Variants in DNAH11 observed in about 807,000 individuals in gnomAD.
DNAH11 encodes axonemal beta dynein heavy chain 11.
Under a neutral mutation model 526.0 loss-of-function variants are expected in DNAH11, and 442 were observed. That is an observed-to-expected ratio of 0.84 (90% CI 0.78 to 0.91). DNAH11 has a LOEUF of 0.91. Ranked by LOEUF, DNAH11 falls within the 40% of genes least tolerant of loss-of-function variation. The pLI, the probability that DNAH11 is intolerant of heterozygous loss-of-function variation, is 0.00. For missense variants in DNAH11, 6,989 were observed against 5,448.7 expected (o/e 1.28, Z -8.90); for synonymous variants, 2,461 against 1,935.9 (o/e 1.27, Z -7.12).
chr7:21,677,444 T>C (rs1782939522), intron 30 of DNAH11, among the ~76,000 whole-genome samples: 1 of 152,156 alleles, frequency 6.6e-6, no homozygotes, highest in African/African-American at 2.4e-5. Context: ...TGCAGTGGTG[T>C]GATCTCAGCT....
At chr7:21,898,473 A>T (rs1784611787) in intron 79 of DNAH11, among the ~76,000 whole-genome samples, 1 of 152,164 alleles carries the variant, frequency 6.6e-6, no homozygotes, top group African/African-American at 2.4e-5. Context: ...CTTCCTTTGC[A>T]TATCTGAAGC....
intron 43 of DNAH11, among the ~76,000 whole-genome samples, chr7:21,718,474 A>G (rs1350401965): frequency 6.6e-6 from 1 of 152,138 alleles, no homozygotes; most frequent in African/African-American, 2.4e-5. Flanking sequence ...CCCCCTCCCA[A>G]AAATATTCAT....
In DNAH11 at chr7:21,561,150, T is replaced by A; in HGVS notation, c.962T>A (p.Ile321Asn). Residue 321 changes from isoleucine to asparagine, a missense_variant, in exon 5 of 82, where the codon ATT (isoleucine) becomes AAT (asparagine). Ile to Asn is a moderately radical substitution (Grantham distance 149). Coordinates refer to ENST00000409508, the MANE Select transcript of DNAH11 (RefSeq NM_001277115.2). ...AGCTATTTTCCTACTCTGAAGGACATTTTTCTGGCTGTGGAAAATGGTAAG... is the reference window on the plus strand; with the variant it reads ...AGCTATTTTCCTACTCTGAAGGACAATTTTCTGGCTGTGGAAAATGGTAAG... ...QSSYFPTLKDIFLAVENALLE... is the reference protein window; with the variant it reads ...QSSYFPTLKDNFLAVENALLE... The A allele has an allele frequency of 6.3e-7, 1 of 1,594,572 alleles. No homozygotes were observed. Among genetic ancestry groups the A allele is most frequent in the Middle Eastern group, 1.7e-4 (1 of 6,040 alleles).
chr7:21,855,463 A>G (rs1337658016), intron 68 of DNAH11, among the ~76,000 whole-genome samples: 1 of 152,234 alleles, frequency 6.6e-6, no homozygotes, highest in Non-Finnish European at 1.5e-5. Flanking sequence ...TTGAGTCACT[A>G]TTACATGCAA....
At chr7:21,894,546 A>G in intron 77 of DNAH11, 77 bp from the exon 78 acceptor site, 1 of 1,442,326 alleles carries the variant, frequency 6.9e-7, no homozygotes, top group Non-Finnish European at 9.5e-7. Flanking sequence ...GTAACTTCAA[A>G]AAGTAGAGGA....
rs1258515308 is a variant in DNAH11 at position 21,752,790 on chromosome 7, G to A, written c.8940+2426G>A. On this transcript the variant is annotated intron_variant, in intron 54 of 81. Transcript: ENST00000409508. ...TGCAATGGCATGATCTGAGCTCACT[G>A]CAGCCTCTGCCTCCTGGGTTCAAGC... Among the ~76,000 whole-genome samples the A allele has an allele frequency of 2.6e-5, 4 of 152,126 alleles. No homozygotes were observed. The East Asian group carries it at 5.8e-4, about 22-fold the overall frequency.
At chr7:21,668,700 A>G (rs1186563436) in intron 30 of DNAH11, among the ~76,000 whole-genome samples, 1 of 152,210 alleles carries the variant, frequency 6.6e-6, no homozygotes, top group Non-Finnish European at 1.5e-5. Flanking sequence ...CTAATAATAC[A>G]TTGTATACGT....
At chr7:21,855,105 C>T (rs1265302707) in intron 68 of DNAH11, among the ~76,000 whole-genome samples, 2 of 149,322 alleles carry the variant, frequency 1.3e-5, no homozygotes, top group Admixed American at 6.7e-5. Flanking sequence ...GATCTTGGCT[C>T]ACTGCAAGCT....
At chr7:21,680,418 C>T (rs1359466605) in intron 30 of DNAH11, among the ~76,000 whole-genome samples, 1 of 152,146 alleles carries the variant, frequency 6.6e-6, no homozygotes, top group African/African-American at 2.4e-5. Flanking sequence ...TTGAGTAAGG[C>T]AGAAATCTTT....
In DNAH11 at chr7:21,849,779, A is replaced by T. The variant is rs570564877; in HGVS notation, c.10897-2688A>T. 4.6e-5 allele frequency among the ~76,000 whole-genome samples: 7 copies of T among 152,200 alleles called. 1 individual carries two copies. The South Asian group carries it at 1.5e-3, about 32-fold the overall frequency. ...TGATATTATGCGGTTTGAATATGCAATGACTAAGAGTTGATTTTTTGGCAT... is the reference window on the plus strand; with the variant it reads ...TGATATTATGCGGTTTGAATATGCATTGACTAAGAGTTGATTTTTTGGCAT... On this transcript the variant is annotated intron_variant, in intron 66 of 81. Coordinates refer to ENST00000409508, the MANE Select transcript of DNAH11 (RefSeq NM_001277115.2).
chr7:21,713,610 C>T (rs1162653821), intron 42 of DNAH11, among the ~76,000 whole-genome samples: 1 of 152,068 alleles, frequency 6.6e-6, no homozygotes, highest in Non-Finnish European at 1.5e-5. Flanking sequence ...ACTTCTTGCC[C>T]ACACTTCTGT....
At chr7:21,746,482 A>G (rs1465256074) in intron 51 of DNAH11, among the ~76,000 whole-genome samples, 1 of 151,910 alleles carries the variant, frequency 6.6e-6, no homozygotes, top group African/African-American at 2.4e-5. Flanking sequence ...ATGTGCCTGT[A>G]GTCTCAGCCA....
chr7:21,681,159 G>T (rs1352807138), intron 30 of DNAH11, among the ~76,000 whole-genome samples: 4 of 152,148 alleles, frequency 2.6e-5, no homozygotes, highest in African/African-American at 9.7e-5. Context: ...AGGCGTGGTG[G>T]CTCATGCCTG....
chr7:21,726,748 C>G (rs905551201), intron 45 of DNAH11, among the ~76,000 whole-genome samples: 1 of 147,434 alleles, frequency 6.8e-6, no homozygotes, highest in Non-Finnish European at 1.5e-5. Context: ...GTAGTCCCAG[C>G]TACTCGGGAG....
intron 25 of DNAH11, among the ~76,000 whole-genome samples, chr7:21,626,594 A>C (rs928304080): frequency 1.2e-4 from 18 of 152,044 alleles, no homozygotes; most frequent in Admixed American, 1.2e-3. Context: ...CTTTCTCCAC[A>C]TCCTTGCCAG....
intron 35 of DNAH11, among the ~76,000 whole-genome samples, chr7:21,697,526 A>C (rs991534744): frequency 2.0e-5 from 3 of 152,234 alleles, no homozygotes; most frequent in African/African-American, 7.2e-5. Flanking sequence ...CAAACTGGTC[A>C]CTTTATAATT....
intron 58 of DNAH11, among the ~76,000 whole-genome samples, chr7:21,786,293 C>T (rs1018075354): frequency 1.7e-5 from 2 of 114,370 alleles, no homozygotes; most frequent in Non-Finnish European, 3.5e-5. Context: ...TATCTTACAA[C>T]ATATACACAT....
intron 66 of DNAH11, among the ~76,000 whole-genome samples, chr7:21,848,795 G>A (rs1435052968): frequency 1.3e-5 from 2 of 152,022 alleles, no homozygotes; most frequent in African/African-American, 4.8e-5. Flanking sequence ...CTATATGTAA[G>A]TACAATATAA....
intron 79 of DNAH11, among the ~76,000 whole-genome samples, chr7:21,896,021 G>A (rs976888573): frequency 1.3e-5 from 2 of 152,124 alleles, no homozygotes; most frequent in African/African-American, 4.8e-5. Flanking sequence ...GAGCCACCGC[G>A]CCTGGCCCAC....
Sources: gnomAD v4.1 joint callset for allele counts (sites outside exome capture counted in the v4.1 genomes callset) on GRCh38, gnomAD v4.1.1 for gene constraint, MANE v1.5 for transcripts, NCBI Gene and HGNC (gene_info 2026-07-23, HGNC 2026-07-21) for gene names.